DOCK3: variants seen among roughly 807,000 people sequenced by gnomAD.
The protein encoded by DOCK3 is dedicator of cytokinesis protein 3.
In DOCK3, 60 loss-of-function variants were observed where a neutral mutation model predicts 265.6. The ratio of observed to expected loss-of-function variants is 0.23; its 90% CI spans 0.18 to 0.28. The LOEUF is 0.28. Among genes scored for constraint, DOCK3 ranks in the 10% least tolerant of loss-of-function variants. The pLI, the probability that DOCK3 is intolerant of heterozygous loss-of-function variation, is 1.00. For missense variants in DOCK3, 1,981 were observed against 2,594.3 expected, an observed-to-expected ratio of 0.76 and a Z score of 5.14; for synonymous variants, 881 against 938.0, an observed-to-expected ratio of 0.94 and a Z score of 1.11.
chr3:50,978,852 C>T (rs574724954), intron 5 of DOCK3, among the ~76,000 whole-genome samples: 1 of 152,282 alleles, frequency 6.6e-6, no homozygotes, highest in South Asian at 2.1e-4. Flanking sequence ...TTGTGGTGTG[C>T]CGTTTTTTAA....
chr3:50,871,193 TC>T (rs2047413524), intron 3 of DOCK3, among the ~76,000 whole-genome samples: 1 of 152,104 alleles, frequency 6.6e-6, no homozygotes, highest in Non-Finnish European at 1.5e-5. Context: ...GTAGGACAGG[TC>T]TGGTGTTAAT....
At chr3:50,796,527 G>A (rs1401500309) in intron 2 of DOCK3, among the ~76,000 whole-genome samples, 2 of 151,338 alleles carry the variant, frequency 1.3e-5, no homozygotes, top group Admixed American at 1.3e-4. Flanking sequence ...TAGTAGAGAC[G>A]GTGTTTCTCC....
chr3:50,724,103 A>G (rs915322904), intron 1 of DOCK3, among the ~76,000 whole-genome samples: 2 of 152,248 alleles, frequency 1.3e-5, no homozygotes, highest in Non-Finnish European at 2.9e-5. Flanking sequence ...AATCCTCATC[A>G]TCACTGGTCA....
At chr3:51,089,203 T>C (rs1033727453) in intron 7 of DOCK3, 40 bp from the exon 8 acceptor site, 15 of 1,573,210 alleles carry the variant, frequency 9.5e-6, no homozygotes, top group African/African-American at 1.4e-5. Flanking sequence ...ATTTAGTTTC[T>C]TTCCCGGTAG....
intron 23 of DOCK3, among the ~76,000 whole-genome samples, chr3:51,268,935 A>T (rs2080339817): frequency 6.6e-6 from 1 of 152,074 alleles, no homozygotes; most frequent in Non-Finnish European, 1.5e-5. Context: ...AGCAATGCAG[A>T]TATGCTTTCT....
intron 12 of DOCK3, among the ~76,000 whole-genome samples, chr3:51,163,185 A>G (rs912181763): frequency 6.6e-6 from 1 of 152,190 alleles, no homozygotes; most frequent in African/African-American, 2.4e-5. Flanking sequence ...CTAGGATGGG[A>G]TTTTACAAAG....
intron 1 of DOCK3, among the ~76,000 whole-genome samples, chr3:50,724,749 TG>T (rs977902872): frequency 6.6e-5 from 10 of 152,128 alleles, no homozygotes; most frequent in Non-Finnish European, 1.5e-4. Flanking sequence ...GACAAGTTGA[TG>T]GGTGTAGCAA....
intron 9 of DOCK3, among the ~76,000 whole-genome samples, chr3:51,109,888 A>T (rs1351873713): frequency 6.6e-6 from 1 of 152,090 alleles, no homozygotes; most frequent in East Asian, 1.9e-4. Flanking sequence ...AGCCAAGATC[A>T]TACCACTGCA....
intron 2 of DOCK3, among the ~76,000 whole-genome samples, chr3:50,829,070 T>G (rs775081287): frequency 1.4e-4 from 21 of 152,056 alleles, no homozygotes; most frequent in Non-Finnish European, 2.9e-4. Context: ...ATCTGGGATT[T>G]ATTTATTTAT....
chr3:51,075,218 G>A, intron 6 of DOCK3, 138 bp from the exon 7 acceptor site: 1 of 643,258 alleles, frequency 1.6e-6, no homozygotes, highest in South Asian at 2.2e-5. Flanking sequence ...AGTTGTTGCT[G>A]TATAAAGACA....
chr3:51,063,858 A>G (rs1238928842), intron 5 of DOCK3, among the ~76,000 whole-genome samples: 3 of 152,220 alleles, frequency 2.0e-5, no homozygotes, highest in Non-Finnish European at 4.4e-5. Context: ...ATTAAACTGA[A>G]AAGACTGGAA....
intron 5 of DOCK3, among the ~76,000 whole-genome samples, chr3:51,036,346 C>T (rs939456627): frequency 2.0e-5 from 3 of 152,144 alleles, no homozygotes; most frequent in Non-Finnish European, 2.9e-5. Flanking sequence ...ATCTGGTACC[C>T]TATGGCTATA....
chr3:51,303,403 T>A (rs141122927), intron 27 of DOCK3, among the ~76,000 whole-genome samples: 3,606 of 152,318 alleles, frequency 0.024, 56 homozygotes, highest in Middle Eastern at 0.041. Context: ...TTCTGAAGCC[T>A]ACTTCTGTCA....
intron 35 of DOCK3, among the ~76,000 whole-genome samples, chr3:51,337,857 C>A (rs1175631525): frequency 6.6e-6 from 1 of 152,150 alleles, no homozygotes; most frequent in Non-Finnish European, 1.5e-5. Context: ...TAGATGGCTC[C>A]AAACACTAGT....
chr3:51,338,780 TC>T (rs1212726828), intron 36 of DOCK3, among the ~76,000 whole-genome samples, 154 bp from the exon 37 acceptor site: 1 of 152,196 alleles, frequency 6.6e-6, no homozygotes, highest in African/African-American at 2.4e-5. Context: ...CAGCAGGTGT[TC>T]CTTCTGGCTG....
At chr3:51,231,604 G>C (rs2090549223) in intron 19 of DOCK3, among the ~76,000 whole-genome samples, 1 of 152,012 alleles carries the variant, frequency 6.6e-6, no homozygotes, top group Admixed American at 6.6e-5. Context: ...CTTTTTAATG[G>C]AATTGTTTTT....
intron 5 of DOCK3, among the ~76,000 whole-genome samples, chr3:51,015,132 G>A (rs2079100272): frequency 6.6e-6 from 1 of 151,884 alleles, no homozygotes; most frequent in African/African-American, 2.4e-5. Context: ...CTTTATCTCT[G>A]GTCTAATTGC....
intron 15 of DOCK3, 150 bp from the exon 16 acceptor site, chr3:51,227,133 A>C (rs1416011393): frequency 1.2e-6 from 1 of 823,630 alleles, no homozygotes; most frequent in East Asian, 2.5e-5. Flanking sequence ...AAAGCATTGA[A>C]TTTAAATCAA....
intron 12 of DOCK3, among the ~76,000 whole-genome samples, chr3:51,194,602 A>T (rs993154341): frequency 6.6e-6 from 1 of 152,080 alleles, no homozygotes; most frequent in Non-Finnish European, 1.5e-5. Context: ...GGTTACATAT[A>T]TATTTAGAAT....
Sources: allele counts gnomAD v4.1 joint callset (sites outside exome capture counted in the v4.1 genomes callset), GRCh38; gene constraint gnomAD v4.1.1; transcripts MANE v1.5; gene names NCBI Gene and HGNC (gene_info 2026-07-23, HGNC 2026-07-21).